The following SH3PXD2A variants were observed in gnomAD, a reference collection of about 807,000 sequenced individuals.
The protein encoded by SH3PXD2A is SH3 and PX domains 2A, also known as SH3 and PX domain-containing protein 2A.
In SH3PXD2A, 32 loss-of-function variants were observed where a neutral mutation model predicts 115.2. The ratio of observed to expected loss-of-function variants is 0.28; its 90% CI spans 0.21 to 0.37. SH3PXD2A has a LOEUF of 0.37. Among genes scored for constraint, SH3PXD2A ranks in the 10% least tolerant of loss-of-function variants. The pLI is 1.00. For missense variants in SH3PXD2A, 1,328 were observed against 1,498.7 expected, an observed-to-expected ratio of 0.89 and a Z score of 1.88; for synonymous variants, 610 against 629.1, an observed-to-expected ratio of 0.97 and a Z score of 0.45.
chr10:103,747,886 G>C (rs2038525425), intron 3 of SH3PXD2A, among the ~76,000 whole-genome samples: 1 of 152,110 alleles, frequency 6.6e-6, no homozygotes, highest in Non-Finnish European at 1.5e-5. Flanking sequence ...CTGGGCTCAA[G>C]CAATCCACCC....
rs1479477578 is a variant in SH3PXD2A, at chr10:103,603,534, C to T, written c.1684G>A (p.Ala562Thr). 6.2e-7 allele frequency: 1 copy of T among 1,612,684 alleles called. No individual in the cohort carries two copies. The highest frequency in any genetic ancestry group is 8.5e-7 in the Non-Finnish European group (1 of 1,179,314). ...TCAGGCTCTGAGTCAAAGCCGAATG[C>T]AGGGATGTCATACTCAGGCTCCTCA... ...KYEEPEYDIP[A>T]FGFDSEPELS... is the part of the protein sequence containing the mutation. Residue 562 changes from alanine to threonine, a missense_variant, in exon 15 of 15, where the codon GCA becomes ACA. Physicochemically the swap from Ala to Thr is moderately conservative, Grantham distance 58. Transcript: ENST00000369774.
intron 1 of SH3PXD2A, among the ~76,000 whole-genome samples, chr10:103,846,653 C>T (rs1289347014): frequency 1.3e-5 from 2 of 152,208 alleles, no homozygotes; most frequent in Non-Finnish European, 2.9e-5. Flanking sequence ...GCAAGGCAAG[C>T]CTGAAAAGAA....
intron 8 of SH3PXD2A, among the ~76,000 whole-genome samples, chr10:103,647,289 T>C (rs953240866): frequency 6.6e-6 from 1 of 152,182 alleles, no homozygotes; most frequent in African/African-American, 2.4e-5. Context: ...GTCCTGTCTC[T>C]GGGTCAGAGT....
At chr10:103,697,023 T>TC (rs2037833165) in intron 5 of SH3PXD2A, among the ~76,000 whole-genome samples, 1 of 151,438 alleles carries the variant, frequency 6.6e-6, no homozygotes, top group Non-Finnish European at 1.5e-5. Flanking sequence ...CCCCGCCCCA[T>TC]CCCCGGGTGA....
At chr10:103,735,669 TG>T in intron 4 of SH3PXD2A, 62 bp downstream of exon 4, 1 of 1,275,870 alleles carries the variant, frequency 7.8e-7, no homozygotes. Flanking sequence ...CTCAGGCAAA[TG>T]GGCCCCTCTC....
At chr10:103,743,988 G>A (rs2038472042) in intron 3 of SH3PXD2A, among the ~76,000 whole-genome samples, 1 of 152,142 alleles carries the variant, frequency 6.6e-6, no homozygotes, top group Admixed American at 6.5e-5. Context: ...TAATGGGCAG[G>A]GGAGAAGAAC....
Position 103,602,467 on chromosome 10 carries a change from C to T in SH3PXD2A, c.2751G>A (p.Arg917=), listed in dbSNP as rs747708934. ...GGCTGTCTGATTTGCCTTCGTTCTG[C>T]CTGCCCTTGGCGGGCACTGTGTCCA... ...KELDTVPAKG[R]QNEGKSDSLE... Residue 917 remains arginine (R), a synonymous_variant, in exon 15 of 15, where the codon AGG becomes AGA. Transcript: ENST00000369774. 2 of 1,614,156 alleles carry T rather than the reference C, an allele frequency of 1.2e-6. No individual in the cohort carries two copies. Among genetic ancestry groups the T allele is most frequent in the Non-Finnish European group, 1.7e-6 (2 of 1,180,012 alleles).
At position 103,780,250 on chromosome 10, in the gene SH3PXD2A, G is replaced by A. The variant is rs116012937; in HGVS notation, c.154-13081C>T. 2.8e-3 allele frequency among the ~76,000 whole-genome samples: 421 copies of A among 152,302 alleles called. 4 individuals carry two copies. Among genetic ancestry groups the A allele is most frequent in the African/African-American group, 9.3e-3 (388 of 41,576 alleles). Reference sequence around the variant, plus strand: ...GGCTTCCTGGAAAGGGAAGCCAAGCGGAACACTTCTAAATGACAGTCTAAC... The same window carrying A: ...GGCTTCCTGGAAAGGGAAGCCAAGCAGAACACTTCTAAATGACAGTCTAAC... On this transcript the variant is annotated intron_variant, in intron 2 of 14. Coordinates refer to ENST00000369774, the MANE Select transcript of SH3PXD2A (RefSeq NM_001394015.1).
At chr10:103,699,562 A>C (rs966598366) in intron 5 of SH3PXD2A, among the ~76,000 whole-genome samples, 6 of 152,212 alleles carry the variant, frequency 3.9e-5, no homozygotes, top group Non-Finnish European at 8.8e-5. Flanking sequence ...GGTCTGAGCA[A>C]AGGGCTGGGC....
intron 1 of SH3PXD2A, among the ~76,000 whole-genome samples, chr10:103,838,265 G>A (rs1251916550): frequency 6.6e-6 from 1 of 152,172 alleles, no homozygotes; most frequent in South Asian, 2.1e-4. Flanking sequence ...ACTCACCTGC[G>A]GTGTGGGTGC....
At chr10:103,773,117 A>G (rs1319532561) in intron 2 of SH3PXD2A, among the ~76,000 whole-genome samples, 2 of 151,082 alleles carry the variant, frequency 1.3e-5, no homozygotes, top group Non-Finnish European at 2.9e-5. Context: ...GCAGCTACTC[A>G]GGAGGCTGAG....
chr10:103,851,389 C>T (rs35202847), intron 1 of SH3PXD2A, among the ~76,000 whole-genome samples: 13,958 of 152,210 alleles, frequency 0.092, 723 homozygotes, highest in African/African-American at 0.12. Context: ...CATGAACTCA[C>T]CTGCAGGGCA....
At chr10:103,656,647 T>C (rs1360984405) in intron 8 of SH3PXD2A, among the ~76,000 whole-genome samples, 2 of 151,964 alleles carry the variant, frequency 1.3e-5, no homozygotes, top group East Asian at 1.9e-4. Context: ...CTGGCCAACA[T>C]AGTAAAACCC....
At chr10:103,723,961 T>A (rs1244489501) in intron 5 of SH3PXD2A, among the ~76,000 whole-genome samples, 3 of 152,202 alleles carry the variant, frequency 2.0e-5, no homozygotes, top group African/African-American at 7.2e-5. Context: ...GACCATTATA[T>A]TTTCTGTTAT....
At chr10:103,623,883 G>A (rs959494849) in intron 9 of SH3PXD2A, among the ~76,000 whole-genome samples, 1 of 152,232 alleles carries the variant, frequency 6.6e-6, no homozygotes, top group African/African-American at 2.4e-5. Context: ...AGAGATGAAG[G>A]GGTTCAGCTC....
chr10:103,842,827 A>G (rs2039613763), intron 1 of SH3PXD2A, among the ~76,000 whole-genome samples: 1 of 152,238 alleles, frequency 6.6e-6, no homozygotes, highest in Non-Finnish European at 1.5e-5. Flanking sequence ...CGCTTGACAC[A>G]TAGTAAACAT....
chr10:103,597,267 T>C lies in SH3PXD2A; in HGVS notation c.*4549A>G, dbSNP rs914564727. 5.2e-5 allele frequency: 8 copies of C among 152,428 alleles called. No individual in the cohort carries two copies. Among genetic ancestry groups the C allele is most frequent in the Non-Finnish European group, 1.0e-4 (7 of 68,022 alleles). 9.4% of individuals were successfully genotyped at this position (152,428 alleles called of 1,614,324 possible). A position where few individuals can be genotyped will look rare whatever the true frequency, so the allele number is the denominator to read the frequency against. On this transcript the variant is annotated 3_prime_UTR_variant, in exon 15 of 15. Transcript: ENST00000369774. The stretch of plus-strand genomic sequence containing the variant: ...GTGTGCGCGGCTCAAGGTTCTCACA[T>C]CCCCCAAAAAGATCTGGTGACTTCT...
At position 103,713,255 on chromosome 10, in the gene SH3PXD2A, T is replaced by A. The variant is rs1459335641; in HGVS notation, c.398+11015A>T. 1.6e-4 allele frequency among the ~76,000 whole-genome samples: 25 copies of A among 152,200 alleles called. 1 individual carries two copies. The highest frequency in any genetic ancestry group is 4.4e-5 in the Non-Finnish European group (3 of 68,024). On this transcript the variant is annotated intron_variant, in intron 5 of 14. Transcript: ENST00000369774. ...TGCTTGTCCCTTTCATCTCGGACTA[T>A]GTCTATGAATATCTCCCATTCCCAC... is the stretch of plus-strand genomic sequence containing the variant.
At chr10:103,714,142 C>T (rs1002408900) in intron 5 of SH3PXD2A, among the ~76,000 whole-genome samples, 1 of 152,214 alleles carries the variant, frequency 6.6e-6, no homozygotes, top group Non-Finnish European at 1.5e-5. Context: ...GGAACCAAGA[C>T]CCACCTTGAA....
Sources: allele counts gnomAD v4.1 joint callset (sites outside exome capture counted in the v4.1 genomes callset), GRCh38; gene constraint gnomAD v4.1.1; transcripts MANE v1.5; gene names NCBI Gene and HGNC (gene_info 2026-07-23, HGNC 2026-07-21).